TRAPPC13: variants seen among roughly 807,000 people sequenced by gnomAD.
TRAPPC13 encodes the protein trafficking protein particle complex subunit 13, also known as REV7-interacting novel NHEJ regulator 1.
In TRAPPC13, 39 loss-of-function variants were observed where a neutral mutation model predicts 54.0. The observed-to-expected ratio is 0.72, with a 90% CI of 0.56 to 0.94. The LOEUF (loss-of-function observed/expected upper bound fraction) is 0.94. TRAPPC13 is among the 40% of genes least tolerant of loss of function. The probability of loss-of-function intolerance (pLI) is 0.00; values close to 1 mark genes in which losing one functional copy is unlikely to be tolerated. For synonymous variants in TRAPPC13, 148 were observed against 167.7 expected (o/e 0.88, Z 0.91); for missense variants, 386 against 488.1 (o/e 0.79, Z 1.97).
At chr5:65,628,053 G>A (rs1335748202) in intron 1 of TRAPPC13, among the ~76,000 whole-genome samples, 7 of 152,286 alleles carry the variant, frequency 4.6e-5, no homozygotes, top group East Asian at 1.9e-4. Context: ...TTGTTAGGAT[G>A]TGAAAAAGTC....
intron 1 of TRAPPC13, among the ~76,000 whole-genome samples, chr5:65,634,722 C>G (rs947165786): frequency 7.1e-6 from 1 of 141,788 alleles, no homozygotes; most frequent in Non-Finnish European, 1.5e-5. Flanking sequence ...GAAACCCCGT[C>G]TCTACTAAAA....
chr5:65,627,626 A>C (rs552774714), intron 1 of TRAPPC13, among the ~76,000 whole-genome samples: 2,061 of 110,580 alleles, frequency 0.019, 49 homozygotes, highest in African/African-American at 0.086. Context: ...ACTCTGTCTC[A>C]AAAAAAAAAA....
At chr5:65,635,419 G>A (rs762524604) in intron 2 of TRAPPC13, 50 bp downstream of exon 2, 2 of 1,472,204 alleles carry the variant, frequency 1.4e-6, no homozygotes, top group East Asian at 4.5e-5. Flanking sequence ...GTTGAAACCT[G>A]AATTGCCTGC....
rs778596361 is a variant in TRAPPC13, at chr5:65,664,312, G to A, written c.1074G>A (p.Gln358=). 34 of 1,613,820 alleles carry A rather than the reference G, an allele frequency of 2.1e-5. No individual in the cohort carries two copies. Among genetic ancestry groups the A allele is most frequent in the African/African-American group, 1.3e-5 (1 of 74,914 alleles). ...ACTGGTGTGGAATTTCAGGAAGACAGCTGGGAAAGCTGCATCCAAGTTCTT... is the reference window on the plus strand; with the variant it reads ...ACTGGTGTGGAATTTCAGGAAGACAACTGGGAAAGCTGCATCCAAGTTCTT... ...SIHWCGISGR[Q]LGKLHPSSSL... The change falls in exon 12 of 13, where the codon CAG becomes CAA. Residue 358 remains glutamine (Q), a synonymous_variant. Coordinates refer to ENST00000399438, the MANE Select transcript of TRAPPC13 (RefSeq NM_024941.4).
chr5:65,659,585 CAT>C (rs1374510986), intron 9 of TRAPPC13, among the ~76,000 whole-genome samples: 2 of 152,084 alleles, frequency 1.3e-5, no homozygotes, highest in Non-Finnish European at 2.9e-5. Flanking sequence ...AAGAAAAGGA[CAT>C]AGGAATAGAT....
chr5:65,648,865 A>AT (rs1315672150), intron 5 of TRAPPC13, among the ~76,000 whole-genome samples: 2 of 152,062 alleles, frequency 1.3e-5, no homozygotes, highest in African/African-American at 4.8e-5. Flanking sequence ...TCATAGTTTT[A>AT]TTTTTTTAAA....
intron 4 of TRAPPC13, among the ~76,000 whole-genome samples, chr5:65,641,054 C>T (rs945490351): frequency 6.6e-6 from 1 of 151,970 alleles, no homozygotes; most frequent in African/African-American, 2.4e-5. Flanking sequence ...CTGCCTTAGC[C>T]TCCTGAGTAG....
rs2150697255 is a variant in TRAPPC13, at chr5:65,665,192, A to AG, written c.*581_*582insG. 6.6e-6 allele frequency: 1 copy of AG among 152,200 alleles called. No individual in the cohort carries two copies. Among genetic ancestry groups the AG allele is most frequent in the Non-Finnish European group, 1.5e-5 (1 of 68,102 alleles). The allele number at this position is 152,200 out of a possible 1,614,324, so 9.4% of individuals were successfully genotyped here. A position where few individuals can be genotyped will look rare whatever the true frequency, so the allele number is the denominator to read the frequency against. On this transcript the variant is annotated 3_prime_UTR_variant, in exon 13 of 13. Coordinates refer to ENST00000399438, the MANE Select transcript of TRAPPC13 (RefSeq NM_024941.4). ...GAGCGACAGAGTGAGACTCTGTCTCAAAAAAAAAGAGGCAGCTGGGCAGAT... is the reference window on the plus strand; with the variant it reads ...GAGCGACAGAGTGAGACTCTGTCTCAGAAAAAAAAGAGGCAGCTGGGCAGAT...
intron 4 of TRAPPC13, among the ~76,000 whole-genome samples, chr5:65,646,261 A>G (rs1257189579): frequency 6.6e-6 from 1 of 152,224 alleles, no homozygotes; most frequent in Admixed American, 6.5e-5. Flanking sequence ...CATCGGGTGG[A>G]GGGAAAGTGC....
At chr5:65,649,048 T>C (rs1193642469) in intron 5 of TRAPPC13, among the ~76,000 whole-genome samples, 1 of 152,034 alleles carries the variant, frequency 6.6e-6, no homozygotes, top group Non-Finnish European at 1.5e-5. Flanking sequence ...AAATCCCATC[T>C]TTACAAAAAA....
intron 7 of TRAPPC13, chr5:65,652,794 G>A (rs1032183250): frequency 8.5e-5 from 41 of 479,644 alleles, no homozygotes; most frequent in South Asian, 7.7e-4. Context: ...ATCTCCTTTC[G>A]TTAAATGATT....
chr5:65,628,482 C>T (rs71626593), intron 1 of TRAPPC13, among the ~76,000 whole-genome samples: 1,724 of 145,702 alleles, frequency 0.012, 23 homozygotes, highest in Middle Eastern at 0.046. Context: ...TTTTTTGAGA[C>T]GGAGTCTTGC....
At chr5:65,629,801 T>C (rs967519288) in intron 1 of TRAPPC13, 1 of 1,535,968 alleles carries the variant, frequency 6.5e-7, no homozygotes, top group Non-Finnish European at 8.7e-7. Context: ...GAAACAGTAC[T>C]TAACCATTTC....
intron 1 of TRAPPC13, chr5:65,630,214 C>G (rs1302941179): frequency 6.5e-7 from 1 of 1,535,808 alleles, no homozygotes; most frequent in Non-Finnish European, 8.7e-7. Flanking sequence ...GGCATTTAGG[C>G]CAAATATGGG....
chr5:65,640,148 C>T (rs1353815107), intron 4 of TRAPPC13, among the ~76,000 whole-genome samples: 3 of 152,170 alleles, frequency 2.0e-5, no homozygotes, highest in Non-Finnish European at 2.9e-5. Flanking sequence ...AAATTTGGTC[C>T]ATTGTCTGTT....
At chr5:65,651,472 A>G (rs1756430453) in intron 6 of TRAPPC13, among the ~76,000 whole-genome samples, 2 of 152,254 alleles carry the variant, frequency 1.3e-5, no homozygotes, top group African/African-American at 4.8e-5. Flanking sequence ...AAATGAGAGT[A>G]AATAATATCA....
intron 7 of TRAPPC13, chr5:65,652,845 T>G (rs1756519741): frequency 2.6e-6 from 1 of 380,630 alleles, no homozygotes; most frequent in South Asian, 2.6e-5. Flanking sequence ...ACACTAGCAA[T>G]CTGTTGAATA....
At chr5:65,656,255 CACTAACTGTTCAA>C (rs1756648777) in intron 8 of TRAPPC13, among the ~76,000 whole-genome samples, 1 of 152,188 alleles carries the variant, frequency 6.6e-6, no homozygotes, top group Non-Finnish European at 1.5e-5. Context: ...AATTGCTTTA[CACTAACTGTTCAA>C]ACTAACTTGA....
Position 65,626,568 on chromosome 5 carries a change from T to A in TRAPPC13, c.46+1462T>A, listed in dbSNP as rs79447038. On this transcript the variant is annotated intron_variant, in intron 1 of 12. Transcript: ENST00000399438. ...CTGGCTAACATAGTGAAACCCCGTC[T>A]CTATAAAAATACAAAAAGTTAGCCA... Among the ~76,000 whole-genome samples, 918 of 152,202 alleles carry A rather than the reference T, an allele frequency of 6.0e-3. 9 individuals are homozygous for A. Among genetic ancestry groups the A allele is most frequent in the African/African-American group, 0.02 (836 of 41,534 alleles).
Sources: gnomAD v4.1 joint callset for allele counts (sites outside exome capture counted in the v4.1 genomes callset) on GRCh38, gnomAD v4.1.1 for gene constraint, MANE v1.5 for transcripts, NCBI Gene and HGNC (gene_info 2026-07-23, HGNC 2026-07-21) for gene names.